Variants in IPMK observed in about 807,000 individuals in gnomAD.
IPMK encodes the protein inositol polyphosphate multikinase.
A neutral mutation model predicts 45.8 loss-of-function variants in IPMK; 17 were observed. The observed-to-expected ratio is 0.37, with a 90% confidence interval of 0.25 to 0.56. The LOEUF (loss-of-function observed/expected upper bound fraction) is 0.56, where lower values mean the gene tolerates loss of function less well. IPMK is among the 20% of genes least tolerant of loss of function. The pLI is 0.79. For missense variants in IPMK, 399 were observed against 498.0 expected (o/e 0.80, Z 1.89); for synonymous variants, 180 against 184.3 (o/e 0.98, Z 0.19).
intron 3 of IPMK, among the ~76,000 whole-genome samples, chr10:58,225,432 A>AGT (rs1320555551): frequency 6.6e-6 from 1 of 152,130 alleles, no homozygotes; most frequent in East Asian, 1.9e-4. Context: ...AAGATTATAT[A>AGT]GTATTGAAGA....
intron 1 of IPMK, among the ~76,000 whole-genome samples, chr10:58,253,744 A>G (rs914574487): frequency 2.9e-5 from 4 of 137,130 alleles, no homozygotes; most frequent in Non-Finnish European, 4.6e-5. Context: ...CAAAAAAAAA[A>G]AAAAAAGAAA....
chr10:58,217,339 T>C (rs1042923946), intron 3 of IPMK, among the ~76,000 whole-genome samples: 1 of 151,894 alleles, frequency 6.6e-6, no homozygotes, highest in African/African-American at 2.4e-5. Context: ...AAAGCCAGGG[T>C]CCAGGTCCCA....
At chr10:58,259,705 T>C (rs1028495118) in intron 1 of IPMK, among the ~76,000 whole-genome samples, 1 of 107,766 alleles carries the variant, frequency 9.3e-6, no homozygotes, top group Non-Finnish European at 1.8e-5. Context: ...CCAGGCATGG[T>C]GGTGCATGCC....
At chr10:58,253,844 C>T (rs1838923339) in intron 1 of IPMK, among the ~76,000 whole-genome samples, 1 of 151,992 alleles carries the variant, frequency 6.6e-6, no homozygotes, top group Non-Finnish European at 1.5e-5. Context: ...TCCCTTCCTT[C>T]GAATATAGCA....
At position 58,246,937 on chromosome 10, in the gene IPMK, T is replaced by G. The variant is rs1165882570; in HGVS notation, c.191-9123A>C. On this transcript the variant is annotated intron_variant, in intron 1 of 5. Transcript: ENST00000373935. ...AAGGGCTAATATCCAGAATCCACAA[T>G]GAACTCAAACAAATTTACAAGAAAA... Among the ~76,000 whole-genome samples, 3 of 150,212 alleles carry G rather than the reference T, an allele frequency of 2.0e-5. 1 individual carries two copies. Among genetic ancestry groups the G allele is most frequent in the Non-Finnish European group, 4.4e-5 (3 of 67,856 alleles).
At chr10:58,204,282 G>A (rs1838039867) in intron 4 of IPMK, among the ~76,000 whole-genome samples, 1 of 152,080 alleles carries the variant, frequency 6.6e-6, no homozygotes, top group East Asian at 1.9e-4. Flanking sequence ...ACGTAAATAC[G>A]TAACAAAAAA....
intron 1 of IPMK, among the ~76,000 whole-genome samples, chr10:58,260,536 A>C (rs1313558464): frequency 6.6e-6 from 1 of 152,224 alleles, no homozygotes; most frequent in Non-Finnish European, 1.5e-5. Context: ...CAATCATCAT[A>C]TACAGAGAGT....
chr10:58,209,021 C>A (rs913021498), intron 4 of IPMK, among the ~76,000 whole-genome samples: 1 of 152,212 alleles, frequency 6.6e-6, no homozygotes, highest in African/African-American at 2.4e-5. Context: ...CACTCCTATA[C>A]TAGTGTTTCA....
chr10:58,262,756 T>A (rs905257928), intron 1 of IPMK, among the ~76,000 whole-genome samples: 2 of 152,176 alleles, frequency 1.3e-5, no homozygotes, highest in Non-Finnish European at 2.9e-5. Flanking sequence ...TTTAAAAACA[T>A]TGAGATGTGA....
At chr10:58,230,898 C>T (rs557039828) in intron 2 of IPMK, among the ~76,000 whole-genome samples, 18 of 152,214 alleles carry the variant, frequency 1.2e-4, no homozygotes, top group African/African-American at 3.6e-4. Flanking sequence ...GGAGGATGTT[C>T]GAACCCATCG....
At chr10:58,244,050 GC>G (rs2132169713) in intron 1 of IPMK, among the ~76,000 whole-genome samples, 1 of 150,288 alleles carries the variant, frequency 6.7e-6, no homozygotes, top group East Asian at 2.0e-4. Flanking sequence ...GGGCACCTCT[GC>G]CCGGCCGCTC....
At position 58,206,315 on chromosome 10, in the gene IPMK, G is replaced by A. The variant is rs1190837901; in HGVS notation, c.547-6994C>T. On this transcript the variant is annotated intron_variant, in intron 4 of 5. Transcript: ENST00000373935. ...GGACAGGGAGTTTGGAAGGAAATTG[G>A]TAGGGACTGCTAATGTGTATGAAGT... Among the ~76,000 whole-genome samples the A allele has an allele frequency of 2.6e-5, 4 of 152,260 alleles. No individual in the cohort carries two copies. The East Asian group carries it at 7.7e-4, about 29-fold the overall frequency.
At position 58,251,190 on chromosome 10, in the gene IPMK, T is replaced by C. The variant is rs562064670; in HGVS notation, c.191-13376A>G. The stretch of plus-strand genomic sequence containing the variant: ...TTGCATCCCATGTGTTGGTATGCTG[T>C]TTCCATTGTCATTTGTCTGAAGGAA... On this transcript the variant is annotated intron_variant, in intron 1 of 5. Transcript: ENST00000373935. Among the ~76,000 whole-genome samples, 6 of 152,338 alleles carry C rather than the reference T, an allele frequency of 3.9e-5. No individual in the cohort carries two copies. In the East Asian group the frequency reaches 1.2e-3, roughly 29 times the overall value.
chr10:58,244,575 ATGG>A (rs1271425256), intron 1 of IPMK, among the ~76,000 whole-genome samples: 2 of 151,986 alleles, frequency 1.3e-5, no homozygotes, highest in African/African-American at 4.8e-5. Flanking sequence ...CATGATGACG[ATGG>A]TGGTTTTGTC....
chr10:58,197,157 G>A (rs1458461889), intron 5 of IPMK, among the ~76,000 whole-genome samples: 2 of 151,430 alleles, frequency 1.3e-5, no homozygotes, highest in African/African-American at 4.9e-5. Flanking sequence ...AAAATTAGCC[G>A]GGGATGGTGG....
At position 58,195,855 on chromosome 10, in the gene IPMK, A is replaced by G. The variant is rs543071792; in HGVS notation, c.*221T>C. The G allele has an allele frequency of 2.0e-6, 1 of 489,944 alleles. No individual in the cohort carries two copies. The highest frequency in any genetic ancestry group is 3.5e-5 in the East Asian group (1 of 28,434). 30.3% of individuals were successfully genotyped at this position (489,944 alleles called of 1,614,324 possible). A position where few individuals can be genotyped will look rare whatever the true frequency, so the allele number is the denominator to read the frequency against. On this transcript the variant is annotated 3_prime_UTR_variant, in exon 6 of 6. Coordinates refer to ENST00000373935, the MANE Select transcript of IPMK (RefSeq NM_152230.5). ...CCATGTACCACCACATTCCCTGCTT[A>G]ACATTCCTAAGTTTCTTTATTCTTC... is the stretch of plus-strand genomic sequence containing the variant.
chr10:58,244,820 G>A (rs865840535), intron 1 of IPMK, among the ~76,000 whole-genome samples: 9 of 152,220 alleles, frequency 5.9e-5, no homozygotes, highest in African/African-American at 2.2e-4. Flanking sequence ...CGATGTGCTT[G>A]GTTAAACAGA....
chr10:58,266,047 A>C (rs1189050779), intron 1 of IPMK, among the ~76,000 whole-genome samples: 1 of 152,246 alleles, frequency 6.6e-6, no homozygotes, highest in South Asian at 2.1e-4. Context: ...GAGTACTCTC[A>C]AATTCTCATT....
rs113806815 is a variant in IPMK at position 58,237,623 on chromosome 10, A to C, written c.276+106T>G. 6.9e-4 allele frequency: 557 copies of C among 812,302 alleles called. 1 individual carries two copies. The highest frequency in any genetic ancestry group is 9.0e-4 in the Non-Finnish European group (424 of 468,584). The allele number at this position is 812,302 out of a possible 1,614,324, so 50.3% of individuals were successfully genotyped here. On this transcript the variant is annotated intron_variant, in intron 2 of 5. Coordinates refer to ENST00000373935, the MANE Select transcript of IPMK (RefSeq NM_152230.5). Reference sequence around the variant, plus strand: ...TCCATGAAGCTTTTGTTTCCGTTACATACACACAGTGACTATGCTGTCAAA... The same window carrying C: ...TCCATGAAGCTTTTGTTTCCGTTACCTACACACAGTGACTATGCTGTCAAA...
Sources: allele counts gnomAD v4.1 joint callset (sites outside exome capture counted in the v4.1 genomes callset), GRCh38; gene constraint gnomAD v4.1.1; transcripts MANE v1.5; gene names NCBI Gene and HGNC (gene_info 2026-07-23, HGNC 2026-07-21).